Variants in ARAP1 observed in about 807,000 individuals in gnomAD.
ARAP1 encodes ArfGAP with RhoGAP domain, ankyrin repeat and PH domain 1.
Under a neutral mutation model 172.2 loss-of-function variants are expected in ARAP1, and 76 were observed. The ratio of observed to expected loss-of-function variants is 0.44; its 90% CI spans 0.37 to 0.53. The LOEUF is 0.53. Ranked by LOEUF, ARAP1 falls within the 20% of genes least tolerant of loss-of-function variation. The pLI is 0.00. For synonymous variants in ARAP1, 804 were observed against 803.3 expected (o/e 1.00, Z -0.01); for missense variants, 1,686 against 1,977.5 (o/e 0.85, Z 2.80).
In ARAP1 at chr11:72,729,553, C is replaced by T. The variant is rs538909857; in HGVS notation, c.-44-2381G>A. 1.5e-4 allele frequency among the ~76,000 whole-genome samples: 23 copies of T among 152,064 alleles called. No individual in the cohort carries two copies. In the East Asian group the frequency reaches 4.2e-3, roughly 28 times the overall value. ...TACAGTGAGCCGAGATCACTGCACT[C>T]CAGCCTGGGCAACAGAGAGAGACTC... On this transcript the variant is annotated intron_variant, in intron 2 of 34. Transcript: ENST00000393609.
chr11:72,707,108 T>C (rs1856804444), intron 12 of ARAP1, 67 bp downstream of exon 12: 1 of 1,449,426 alleles, frequency 6.9e-7, no homozygotes, highest in Non-Finnish European at 9.2e-7. Flanking sequence ...CCAGATAGGA[T>C]ACCTGCCATC....
Position 72,685,377 on chromosome 11 carries a change from A to G in ARAP1, c.*287T>C. On this transcript the variant is annotated 3_prime_UTR_variant, in exon 35 of 35. Transcript: ENST00000393609. ...CCTCCCAAGTTCCTGACTTATGCCC[A>G]TCTCTCCAGCCCCACAAGGACAGTG... 2.0e-6 allele frequency: 1 copy of G among 507,812 alleles called. No individual in the cohort carries two copies. Among genetic ancestry groups the G allele is most frequent in the Middle Eastern group, 5.3e-4 (1 of 1,882 alleles). The allele number at this position is 507,812 out of a possible 1,614,324, so 31.5% of individuals were successfully genotyped here.
At position 72,707,174 on chromosome 11, in the gene ARAP1, C is replaced by T; in HGVS notation, c.1723+1G>A. On this transcript the variant is annotated splice_donor_variant, in intron 12 of 34. Transcript: ENST00000393609. LOFTEE classifies it high-confidence loss of function. ...TGGTGCCCCGACCCCCATGCACACA[C>T]CTGCACAGCGCTTGCAGATAACAAC... The T allele has an allele frequency of 6.3e-7, 1 of 1,583,688 alleles. No individual in the cohort carries two copies.
Position 72,726,572 on chromosome 11 carries a change from T to C in ARAP1, c.509+48A>G, listed in dbSNP as rs758040761. On this transcript the variant is annotated intron_variant, in intron 3 of 34. Transcript: ENST00000393609. This position sits in a 1 kb window ranked among gnomAD's most constrained non-coding sequence, Gnocchi z 6.5. ...GGCCACAAACTCCCCATCTACCCTC[T>C]GGGATCCTCTGCCTGTGCGCCTCCC... The C allele has an allele frequency of 1.3e-5, 19 of 1,454,998 alleles. No individual in the cohort carries two copies. The South Asian group carries it at 1.5e-4, about 12-fold the overall frequency. The allele number at this position is 1,454,998 out of a possible 1,614,324, so 90.1% of individuals were successfully genotyped here. A position where few individuals can be genotyped will look rare whatever the true frequency, so the allele number is the denominator to read the frequency against.
chr11:72,738,831 C>T (rs559085079), intron 1 of ARAP1, among the ~76,000 whole-genome samples: 65 of 152,312 alleles, frequency 4.3e-4, no homozygotes, highest in African/African-American at 1.5e-3. Flanking sequence ...CCAATGGCCA[C>T]ACCTCAGATC....
At chr11:72,712,660 C>T (rs1282442201) in intron 5 of ARAP1, 92 bp from the exon 6 acceptor site, 3 of 1,590,524 alleles carry the variant, frequency 1.9e-6, no homozygotes, top group South Asian at 2.2e-5. Context: ...CCACACAGCC[C>T]CGACCCACAC....
intron 3 of ARAP1, among the ~76,000 whole-genome samples, chr11:72,718,801 T>C (rs1266711348): frequency 6.6e-6 from 1 of 152,108 alleles, no homozygotes; most frequent in East Asian, 1.9e-4. Flanking sequence ...GTAGGCAAAA[T>C]GCAGAATGGG....
At chr11:72,691,639 A>G (rs916178120) in intron 30 of ARAP1, among the ~76,000 whole-genome samples, 2 of 152,224 alleles carry the variant, frequency 1.3e-5, no homozygotes, top group African/African-American at 2.4e-5. Context: ...TGCTCCTGCC[A>G]TGGCAGCCAA....
chr11:72,702,929 A>G lies in ARAP1; in HGVS notation c.2143T>C (p.Phe715Leu). The G allele has an allele frequency of 6.4e-7, 1 of 1,557,968 alleles. No homozygotes were observed. The highest frequency in any genetic ancestry group is 8.7e-7 in the Non-Finnish European group (1 of 1,150,374). ...CCTGTGGTCCGGTTGTTCCGAAGGAATTCCATCTGCAGCGTCTGCCCCGCC... is the reference window on the plus strand; with the variant it reads ...CCTGTGGTCCGGTTGTTCCGAAGGAGTTCCATCTGCAGCGTCTGCCCCGCC... ...EQAGQTLQME[F>L]LRNNRTTEVP... Residue 715 changes from phenylalanine (F) to leucine (L), a missense_variant, in exon 15 of 35, where the codon TTC becomes CTC. Physicochemically the swap from Phe to Leu is conservative, Grantham distance 22. Around this residue, in one of 5 missense-constraint regions of ARAP1, gnomAD observed 688 missense variants for 856.9 expected, o/e 0.80. Transcript: ENST00000393609.
chr11:72,703,408 C>CGGGGGGGGGGGGGGGG (rs56850317), intron 14 of ARAP1: 2 of 113,728 alleles, frequency 1.8e-5, no homozygotes, highest in South Asian at 3.0e-4. Flanking sequence ...GTGGAGGAGC[C>CGGGGGGGGGGGGGGGG]GGGGGGGGGG....
At chr11:72,750,105 C>T (rs1000370584) in intron 1 of ARAP1, among the ~76,000 whole-genome samples, 2 of 152,226 alleles carry the variant, frequency 1.3e-5, no homozygotes, top group African/African-American at 4.8e-5. Flanking sequence ...CTCCTTCCTT[C>T]CCCATTTCCT....
At chr11:72,704,470 T>A (rs1591193795) in intron 13 of ARAP1, 136 bp from the exon 14 acceptor site, 7 of 1,006,714 alleles carry the variant, frequency 7.0e-6, no homozygotes, top group Non-Finnish European at 1.4e-6. Context: ...ATGGGGAAGG[T>A]GAGGACAGCC....
At chr11:72,750,009 C>T (rs958546993) in intron 1 of ARAP1, among the ~76,000 whole-genome samples, 9 of 152,186 alleles carry the variant, frequency 5.9e-5, no homozygotes, top group African/African-American at 2.2e-4. Flanking sequence ...CCTCAGTTTC[C>T]CCATCTGTGA....
Position 72,695,924 on chromosome 11 carries a change from C to T in ARAP1, c.3273-59G>A. ...AGTCAGGCCAGAGCTTCCCATCTCA[C>T]CCTATTAATTTCTGACAGGTCCAAG... On this transcript the variant is annotated intron_variant, in intron 23 of 34. Coordinates refer to ENST00000393609, the MANE Select transcript of ARAP1 (RefSeq NM_001040118.3). This position sits in a 1 kb window ranked among gnomAD's most constrained non-coding sequence, Gnocchi z 4.4. 1 of 1,551,804 alleles carries T rather than the reference C, an allele frequency of 6.4e-7. No homozygotes were observed. Among genetic ancestry groups the T allele is most frequent in the Non-Finnish European group, 8.7e-7 (1 of 1,151,212 alleles).
At chr11:72,707,843 A>T (rs1565218903) in intron 11 of ARAP1, among the ~76,000 whole-genome samples, 1 of 152,038 alleles carries the variant, frequency 6.6e-6, no homozygotes, top group Non-Finnish European at 1.5e-5. Context: ...CCTGAGGACA[A>T]TGGAGAACCC....
chr11:72,686,858 C>A (rs1319847510), intron 33 of ARAP1, among the ~76,000 whole-genome samples: 2 of 152,146 alleles, frequency 1.3e-5, no homozygotes, highest in Non-Finnish European at 2.9e-5. Context: ...CCCCCACCCC[C>A]GCCAGTGGTT....
At position 72,695,352 on chromosome 11, in the gene ARAP1, C is replaced by T. The variant is rs759282526; in HGVS notation, c.3576+35G>A. 3 of 1,613,818 alleles carry T rather than the reference C, an allele frequency of 1.9e-6. No individual in the cohort carries two copies. Among genetic ancestry groups the T allele is most frequent in the East Asian group, 4.5e-5 (2 of 44,886 alleles). ...AGCCTGTACCTGGCCCAGCCTGATT[C>T]TCTAGCCCCTTGGCTTCTAGGTCCC... On this transcript the variant is annotated intron_variant, in intron 26 of 34. Transcript: ENST00000393609. The surrounding 1 kb of genome is among the most constrained non-coding windows in gnomAD (Gnocchi z 4.4).
At chr11:72,735,036 A>G (rs1291056097) in intron 1 of ARAP1, among the ~76,000 whole-genome samples, 1 of 151,960 alleles carries the variant, frequency 6.6e-6, no homozygotes, top group African/African-American at 2.4e-5. Context: ...GCTGGAGTGC[A>G]GTGGCACAAT....
intron 3 of ARAP1, among the ~76,000 whole-genome samples, chr11:72,716,601 C>A (rs951770715): frequency 1.3e-5 from 2 of 152,262 alleles, no homozygotes; most frequent in African/African-American, 4.8e-5. Flanking sequence ...GGGCACATCG[C>A]ACACAGGGAG....
Sources: gnomAD v4.1 joint callset for allele counts (sites outside exome capture counted in the v4.1 genomes callset) on GRCh38, gnomAD v4.1.1 for gene constraint, gnomAD v4.1.1 regional missense constraint, Gnocchi (gnomAD v3.1) non-coding constraint, MANE v1.5 for transcripts, NCBI Gene and HGNC (gene_info 2026-07-23, HGNC 2026-07-21) for gene names.